The following IL23R variants were observed in gnomAD, a reference collection of about 807,000 sequenced individuals.
The protein encoded by IL23R is interleukin 23 receptor.
IL23R carries 34 observed loss-of-function variants against 56.9 expected under a neutral mutation model. The ratio of observed to expected loss-of-function variants is 0.60; its 90% CI spans 0.45 to 0.80. The LOEUF (loss-of-function observed/expected upper bound fraction) is 0.80. Ranked by LOEUF, IL23R falls within the 30% of genes least tolerant of loss-of-function variation. The pLI is 0.00. For synonymous variants in IL23R, 230 were observed against 249.2 expected, an observed-to-expected ratio of 0.92 and a Z score of 0.73; for missense variants, 635 against 730.0, an observed-to-expected ratio of 0.87 and a Z score of 1.50.
chr1:67,198,433 T>C (rs1026420098), intron 4 of IL23R, among the ~76,000 whole-genome samples: 5 of 152,238 alleles, frequency 3.3e-5, no homozygotes, highest in African/African-American at 9.6e-5. Flanking sequence ...TTAACAGATA[T>C]CATTCGGAAT....
chr1:67,193,500 T>A (rs1345206509), intron 4 of IL23R, among the ~76,000 whole-genome samples: 1 of 152,180 alleles, frequency 6.6e-6, no homozygotes, highest in Non-Finnish European at 1.5e-5. Context: ...ATTATCAACA[T>A]AAATCTGCAA....
rs563953903 is a variant in IL23R at position 67,174,457 on chromosome 1, A to G, written c.367+4819A>G. Among the ~76,000 whole-genome samples the G allele has an allele frequency of 1.1e-4, 17 of 152,010 alleles. No individual in the cohort carries two copies. In the South Asian group the frequency reaches 2.1e-3, roughly 19 times the overall value. ...ATTTTTGGTAAGCAATTTGCAGGTG[A>G]AGTGAAAGCATATATGTACTTAAGA... On this transcript the variant is annotated intron_variant, in intron 3 of 10. Coordinates refer to ENST00000347310, the MANE Select transcript of IL23R (RefSeq NM_144701.3).
chr1:67,197,965 AAAG>A (rs1347882224), intron 4 of IL23R, among the ~76,000 whole-genome samples: 1 of 151,964 alleles, frequency 6.6e-6, no homozygotes, highest in Non-Finnish European at 1.5e-5. Flanking sequence ...AAAGAAAAGA[AAAG>A]AAATACCTGA....
At chr1:67,211,665 C>A (rs990205135) in intron 6 of IL23R, among the ~76,000 whole-genome samples, 4 of 151,108 alleles carry the variant, frequency 2.6e-5, no homozygotes, top group Non-Finnish European at 4.4e-5. Flanking sequence ...TTACTTCATG[C>A]AAATAGGAGT....
intron 5 of IL23R, among the ~76,000 whole-genome samples, chr1:67,205,897 TTCTTTC>T (rs1352058786): frequency 8.1e-6 from 1 of 123,982 alleles, no homozygotes; most frequent in African/African-American, 2.8e-5. Flanking sequence ...CTTTCTTTCT[TTCTTTC>T]TTTCTTTCTT....
intron 4 of IL23R, among the ~76,000 whole-genome samples, chr1:67,184,808 T>A (rs1257218060): frequency 1.3e-5 from 2 of 152,160 alleles, no homozygotes; most frequent in African/African-American, 4.8e-5. Flanking sequence ...ATACAAATGC[T>A]TATATCCTCC....
At chr1:67,237,691 A>T (rs1651576218) in intron 8 of IL23R, among the ~76,000 whole-genome samples, 1 of 152,212 alleles carries the variant, frequency 6.6e-6, no homozygotes, top group Non-Finnish European at 1.5e-5. Flanking sequence ...GGCGTAAAAA[A>T]ATTGAGATCT....
chr1:67,222,171 C>T (rs1421009938), intron 7 of IL23R, among the ~76,000 whole-genome samples: 1 of 115,216 alleles, frequency 8.7e-6, no homozygotes, highest in Non-Finnish European at 1.6e-5. Flanking sequence ...GCCTGAGGTA[C>T]AGTGGTGTGA....
At chr1:67,191,172 G>C (rs998371292) in intron 4 of IL23R, among the ~76,000 whole-genome samples, 1 of 152,144 alleles carries the variant, frequency 6.6e-6, no homozygotes, top group Non-Finnish European at 1.5e-5. Context: ...CCAAGTCACT[G>C]TCTTGCTAAG....
intron 7 of IL23R, among the ~76,000 whole-genome samples, chr1:67,225,211 G>A (rs1007698411): frequency 2.0e-5 from 3 of 152,180 alleles, no homozygotes; most frequent in South Asian, 2.1e-4. Context: ...AAATGCAAAC[G>A]CATGAGAAAA....
intron 3 of IL23R, among the ~76,000 whole-genome samples, chr1:67,174,960 G>A (rs1219751951): frequency 6.6e-6 from 1 of 151,956 alleles, no homozygotes; most frequent in African/African-American, 2.4e-5. Context: ...GAAAGAGTGT[G>A]CTTCTTTTAC....
At chr1:67,235,436 C>G (rs1651410427) in intron 7 of IL23R, among the ~76,000 whole-genome samples, 1 of 151,050 alleles carries the variant, frequency 6.6e-6, no homozygotes, top group African/African-American at 2.4e-5. Flanking sequence ...CTCTGTCACC[C>G]AGGCCGGAGT....
At chr1:67,148,076 G>T (rs1646695531) in intron 1 of IL23R, among the ~76,000 whole-genome samples, 2 of 152,356 alleles carry the variant, frequency 1.3e-5, no homozygotes, top group South Asian at 4.1e-4. Flanking sequence ...TGTTCAGCTC[G>T]ATTGGGATGA....
chr1:67,203,203 G>A (rs753854108), intron 5 of IL23R, among the ~76,000 whole-genome samples: 7 of 152,012 alleles, frequency 4.6e-5, no homozygotes, highest in African/African-American at 9.7e-5. Context: ...CACCTCTCAT[G>A]CACATCACGT....
intron 3 of IL23R, among the ~76,000 whole-genome samples, chr1:67,175,613 G>C (rs929679655): frequency 1.3e-5 from 2 of 152,046 alleles, no homozygotes; most frequent in Non-Finnish European, 2.9e-5. Context: ...GTCTTACTTC[G>C]CTTAATATAA....
chr1:67,149,455 A>G (rs1365352426), intron 1 of IL23R, among the ~76,000 whole-genome samples: 2 of 151,918 alleles, frequency 1.3e-5, no homozygotes, highest in Non-Finnish European at 2.9e-5. Flanking sequence ...TCTTAATCGC[A>G]TTTTGCTTCT....
At chr1:67,167,484 C>T (rs979805829) in intron 1 of IL23R, among the ~76,000 whole-genome samples, 2 of 152,202 alleles carry the variant, frequency 1.3e-5, no homozygotes, top group African/African-American at 4.8e-5. Context: ...TTTGGCTCTT[C>T]CCAAGTTTAG....
At chr1:67,181,420 C>T (rs369562138) in intron 3 of IL23R, among the ~76,000 whole-genome samples, 11 of 152,316 alleles carry the variant, frequency 7.2e-5, no homozygotes, top group African/African-American at 2.6e-4. Context: ...TCCAGTTGAT[C>T]GAATTGGCTG....
At chr1:67,262,325 G>T (rs756054231), downstream of IL23R, among the ~76,000 whole-genome samples, 1 of 152,094 alleles carries the variant, frequency 6.6e-6, no homozygotes, top group African/African-American at 2.4e-5. Flanking sequence ...AGAGGCCAGA[G>T]GTAGGGGGTG....
Sources: allele counts gnomAD v4.1 joint callset (sites outside exome capture counted in the v4.1 genomes callset), GRCh38; gene constraint gnomAD v4.1.1; transcripts MANE v1.5; gene names NCBI Gene and HGNC (gene_info 2026-07-23, HGNC 2026-07-21).